TBC1D22A: variants seen among roughly 807,000 people sequenced by gnomAD.
TBC1D22A encodes the protein TBC1 domain family member 22A, also known as putative GTPase activator.
TBC1D22A carries 38 observed loss-of-function variants against 60.2 expected under a neutral mutation model. The observed-to-expected ratio is 0.63, with a 90% confidence interval of 0.49 to 0.83. The LOEUF (loss-of-function observed/expected upper bound fraction) is 0.83. Ranked by LOEUF, TBC1D22A falls within the 40% of genes least tolerant of loss-of-function variation. The pLI, the probability that TBC1D22A is intolerant of heterozygous loss-of-function variation, is 0.00. For synonymous variants in TBC1D22A, 302 were observed against 281.7 expected, an observed-to-expected ratio of 1.07 and a Z score of -0.72; for missense variants, 628 against 701.0, an observed-to-expected ratio of 0.90 and a Z score of 1.18.
intron 11 of TBC1D22A, among the ~76,000 whole-genome samples, chr22:47,087,514 A>G (rs541432371): frequency 8.8e-4 from 134 of 152,344 alleles, no homozygotes; most frequent in African/African-American, 3.2e-3. Context: ...ATTTGAATGT[A>G]CAGCCCCAGT....
intron 10 of TBC1D22A, among the ~76,000 whole-genome samples, chr22:47,029,668 G>A (rs768424944): frequency 6.6e-6 from 1 of 152,260 alleles, no homozygotes; most frequent in African/African-American, 2.4e-5. Context: ...GATGGCAGGA[G>A]CCCTGCCTGT....
intron 4 of TBC1D22A, among the ~76,000 whole-genome samples, chr22:46,866,400 C>T (rs565883633): frequency 4.6e-5 from 7 of 152,264 alleles, no homozygotes; most frequent in Admixed American, 2.6e-4. Flanking sequence ...CCACCACTCC[C>T]GACCCCAAAA....
intron 11 of TBC1D22A, among the ~76,000 whole-genome samples, chr22:47,046,182 TCCA>T (rs2063027074): frequency 1.3e-5 from 2 of 152,146 alleles, no homozygotes; most frequent in Non-Finnish European, 2.9e-5. Flanking sequence ...GGTGTCCAAG[TCCA>T]AGTACCTTAC....
At position 46,915,128 on chromosome 22, in the gene TBC1D22A, G is replaced by C. The variant is rs574130585; in HGVS notation, c.1015+2940G>C. On this transcript the variant is annotated intron_variant, in intron 8 of 12. Transcript: ENST00000337137. ...CTGAGAAGGAGAAGCTTGGGGTCGA[G>C]TCCCAGGGGTGTGCGAAACCCCCAG... 287 of 330,910 alleles carry C rather than the reference G, an allele frequency of 8.7e-4. 1 individual carries two copies. Among genetic ancestry groups the C allele is most frequent in the African/African-American group, 5.7e-3 (266 of 46,552 alleles). The allele number at this position is 330,910 out of a possible 1,614,324, so 20.5% of individuals were successfully genotyped here.
At chr22:46,778,217 C>T (rs2083784934) in intron 1 of TBC1D22A, among the ~76,000 whole-genome samples, 2 of 152,020 alleles carry the variant, frequency 1.3e-5, no homozygotes, top group South Asian at 2.1e-4. Context: ...GTGTAGATGT[C>T]ATTAGCACTC....
chr22:47,151,660 C>T (rs1428180456), intron 12 of TBC1D22A, among the ~76,000 whole-genome samples: 2 of 152,138 alleles, frequency 1.3e-5, no homozygotes, highest in Non-Finnish European at 2.9e-5. Flanking sequence ...CTGTGGGGCT[C>T]AGGGAGGTTC....
At chr22:46,864,202 ACT>A (rs1423615367) in intron 4 of TBC1D22A, among the ~76,000 whole-genome samples, 1 of 151,836 alleles carries the variant, frequency 6.6e-6, no homozygotes, top group Non-Finnish European at 1.5e-5. Flanking sequence ...ATTTTGAAAA[ACT>A]CTGTTATGTT....
chr22:46,829,681 A>G (rs2086223687), intron 4 of TBC1D22A, among the ~76,000 whole-genome samples: 1 of 152,348 alleles, frequency 6.6e-6, no homozygotes, highest in South Asian at 2.1e-4. Context: ...ATGCTAATGC[A>G]GCTATTATTC....
chr22:47,030,909 C>CG (rs1306362479), intron 10 of TBC1D22A, among the ~76,000 whole-genome samples: 5 of 152,228 alleles, frequency 3.3e-5, no homozygotes, highest in Non-Finnish European at 1.5e-5. Context: ...ATGCACGTCC[C>CG]GGCGGGGTGA....
intron 4 of TBC1D22A, among the ~76,000 whole-genome samples, chr22:46,839,384 T>C (rs1003156251): frequency 6.6e-6 from 1 of 151,856 alleles, no homozygotes; most frequent in Admixed American, 6.6e-5. Context: ...CTCGGCTTAC[T>C]GCAACCTGGA....
chr22:46,877,712 G>A (rs374034255), intron 4 of TBC1D22A, among the ~76,000 whole-genome samples: 4 of 152,196 alleles, frequency 2.6e-5, no homozygotes, highest in African/African-American at 9.6e-5. Context: ...TTTTATTCCC[G>A]TTATTAATCA....
intron 5 of TBC1D22A, among the ~76,000 whole-genome samples, chr22:46,885,574 C>G (rs2068071066): frequency 6.6e-6 from 1 of 152,082 alleles, no homozygotes; most frequent in Non-Finnish European, 1.5e-5. Context: ...CTTGAAATAA[C>G]AACAAGGTGC....
intron 8 of TBC1D22A, among the ~76,000 whole-genome samples, chr22:46,927,584 A>G (rs922327192): frequency 2.6e-5 from 4 of 152,238 alleles, no homozygotes; most frequent in Non-Finnish European, 5.9e-5. Context: ...TACTGGTTCT[A>G]GCTAAGGCAG....
At chr22:46,779,592 A>G (rs1196080544) in intron 1 of TBC1D22A, among the ~76,000 whole-genome samples, 1 of 151,790 alleles carries the variant, frequency 6.6e-6, no homozygotes, top group African/African-American at 2.4e-5. Context: ...TTTCCTTCAT[A>G]TTTTCTGTTT....
intron 11 of TBC1D22A, among the ~76,000 whole-genome samples, chr22:47,072,654 C>G (rs1826497920): frequency 6.6e-6 from 1 of 152,244 alleles, no homozygotes; most frequent in East Asian, 1.9e-4. Flanking sequence ...TGCAGGGGGC[C>G]TAGCATGCTG....
rs377515690 is a variant in TBC1D22A at position 47,162,025 on chromosome 22, G to A, written c.1426-11473G>A. Reference sequence around the variant, plus strand: ...CCTCTCCTGTTCCTGTATTTTGCCAGTTCCTTTAAGGATTTTGACCTGTTT... The same window carrying A: ...CCTCTCCTGTTCCTGTATTTTGCCAATTCCTTTAAGGATTTTGACCTGTTT... On this transcript the variant is annotated intron_variant, in intron 12 of 12. Transcript: ENST00000337137. Among the ~76,000 whole-genome samples the A allele has an allele frequency of 2.0e-4, 30 of 152,318 alleles. 2 individuals are homozygous for A. Among genetic ancestry groups the A allele is most frequent in the African/African-American group, 7.0e-4 (29 of 41,570 alleles).
intron 11 of TBC1D22A, among the ~76,000 whole-genome samples, chr22:47,048,658 G>T (rs997400870): frequency 6.6e-6 from 1 of 152,166 alleles, no homozygotes; most frequent in Non-Finnish European, 1.5e-5. Flanking sequence ...CCTTTCCTCT[G>T]CCGTCCCCTG....
intron 5 of TBC1D22A, 23 bp from the exon 6 acceptor site, chr22:46,891,243 T>G: frequency 6.3e-7 from 1 of 1,593,972 alleles, no homozygotes; most frequent in Non-Finnish European, 8.5e-7. Context: ...ACCATGTATA[T>G]TTTTTGTTTA....
At chr22:47,095,355 A>G (rs2065132989) in intron 11 of TBC1D22A, among the ~76,000 whole-genome samples, 1 of 152,256 alleles carries the variant, frequency 6.6e-6, no homozygotes, top group African/African-American at 2.4e-5. Context: ...TTTCGTGCCA[A>G]AAATTATAAG....
Sources: allele counts gnomAD v4.1 joint callset (sites outside exome capture counted in the v4.1 genomes callset), GRCh38; gene constraint gnomAD v4.1.1; transcripts MANE v1.5; gene names NCBI Gene and HGNC (gene_info 2026-07-23, HGNC 2026-07-21).